OSBP2: variants seen among roughly 807,000 people sequenced by gnomAD.
The protein encoded by OSBP2 is oxysterol binding protein 2.
A neutral mutation model predicts 96.0 loss-of-function variants in OSBP2; 66 were observed. The ratio of observed to expected loss-of-function variants is 0.69; its 90% confidence interval spans 0.56 to 0.84. The LOEUF (loss-of-function observed/expected upper bound fraction) is 0.84, where lower values mean the gene tolerates loss of function less well. Among genes scored for constraint, OSBP2 ranks in the 40% least tolerant of loss-of-function variants. The probability of loss-of-function intolerance (pLI) is 0.00; values close to 1 mark genes in which losing one functional copy is unlikely to be tolerated. For synonymous variants in OSBP2, 525 were observed against 520.9 expected (o/e 1.01, Z -0.11); for missense variants, 1,038 against 1,222.7 (o/e 0.85, Z 2.25).
intron 2 of OSBP2, among the ~76,000 whole-genome samples, chr22:30,839,051 A>G (rs1381082906): frequency 7.8e-6 from 1 of 127,824 alleles, no homozygotes; most frequent in African/African-American, 3.0e-5. Context: ...TCCGGTGTCC[A>G]TGTGTTCTCA....
intron 2 of OSBP2, among the ~76,000 whole-genome samples, chr22:30,861,723 A>G (rs1321333896): frequency 1.3e-5 from 2 of 152,010 alleles, no homozygotes; most frequent in Non-Finnish European, 2.9e-5. Context: ...CAGAACCCCC[A>G]CAGGGCCCAC....
chr22:30,880,316 G>T (rs1377650252), intron 3 of OSBP2, among the ~76,000 whole-genome samples: 1 of 152,250 alleles, frequency 6.6e-6, no homozygotes, highest in Non-Finnish European at 1.5e-5. Flanking sequence ...CCACCTGGGA[G>T]CCCAGAGCCA....
intron 2 of OSBP2, among the ~76,000 whole-genome samples, chr22:30,775,127 C>A (rs2090412809): frequency 1.3e-5 from 2 of 152,134 alleles, no homozygotes; most frequent in Admixed American, 1.3e-4. Flanking sequence ...GCGGCCATCA[C>A]CTCTGACTAG....
At chr22:30,815,475 G>A (rs1276826302) in intron 2 of OSBP2, among the ~76,000 whole-genome samples, 1 of 152,124 alleles carries the variant, frequency 6.6e-6, no homozygotes, top group Non-Finnish European at 1.5e-5. Context: ...TCAATTAATT[G>A]AGTGTATTAT....
At chr22:30,857,663 A>G (rs746128560) in intron 2 of OSBP2, among the ~76,000 whole-genome samples, 13 of 152,262 alleles carry the variant, frequency 8.5e-5, no homozygotes, top group Admixed American at 2.0e-4. Flanking sequence ...AGCACTTTAC[A>G]GGCATTAACC....
intron 10 of OSBP2, 33 bp from the exon 11 acceptor site, chr22:30,893,605 G>A (rs1351013146): frequency 3.1e-6 from 5 of 1,613,182 alleles, no homozygotes; most frequent in African/African-American, 2.7e-5. Context: ...ATGGCCCGGG[G>A]GCTGGCCGCT....
chr22:30,808,056 C>T (rs1056283918), intron 2 of OSBP2, among the ~76,000 whole-genome samples: 4 of 152,146 alleles, frequency 2.6e-5, no homozygotes, highest in Non-Finnish European at 4.4e-5. Context: ...TCCCAAAGTG[C>T]GGGGATTACA....
At position 30,843,509 on chromosome 22, in the gene OSBP2, A is replaced by G. The variant is rs570071593; in HGVS notation, c.854-26920A>G. 2.7e-5 allele frequency among the ~76,000 whole-genome samples: 4 copies of G among 150,768 alleles called. No individual in the cohort carries two copies. In the South Asian group the frequency reaches 8.6e-4, roughly 32 times the overall value. On this transcript the variant is annotated intron_variant, in intron 2 of 13. Coordinates refer to ENST00000332585, the MANE Select transcript of OSBP2 (RefSeq NM_030758.4). Reference sequence around the variant, plus strand: ...TAAAATATTCCATAAGCCACACTATAAACAGGTGTGCTGTCATTCAGGCTT... The same window carrying G: ...TAAAATATTCCATAAGCCACACTATGAACAGGTGTGCTGTCATTCAGGCTT...
Position 30,882,102 on chromosome 22 carries a change from C to G in OSBP2, c.1108-5324C>G, listed in dbSNP as rs13056417. On this transcript the variant is annotated intron_variant, in intron 3 of 13. Transcript: ENST00000332585. ...CCTTGAGGGGGACTGAGGTCACTCACGGCCAGTGTATCAGCCAGCAACCCT... is the reference window on the plus strand; with the variant it reads ...CCTTGAGGGGGACTGAGGTCACTCAGGGCCAGTGTATCAGCCAGCAACCCT... Among the ~76,000 whole-genome samples the G allele has an allele frequency of 1.6e-3, 241 of 152,312 alleles. 2 individuals carry two copies. The highest frequency in any genetic ancestry group is 5.4e-3 in the African/African-American group (224 of 41,560).
intron 1 of OSBP2, among the ~76,000 whole-genome samples, chr22:30,728,422 G>T (rs1465500998): frequency 2.0e-5 from 3 of 151,268 alleles, no homozygotes; most frequent in Admixed American, 2.0e-4. Context: ...ACAAAAATTA[G>T]CTGGGTGCAG....
intron 2 of OSBP2, among the ~76,000 whole-genome samples, chr22:30,795,855 C>T (rs1275944356): frequency 6.6e-6 from 1 of 152,208 alleles, no homozygotes; most frequent in African/African-American, 2.4e-5. Context: ...GTTTTTAAAT[C>T]TTGGAATGTC....
chr22:30,741,203 C>A lies in OSBP2; in HGVS notation c.687C>A (p.Asn229Lys). ...CCCACACGTGCCGTGGAACCATCAA[C>A]CTGTCCACCGCGCACATTGACACGG... is the stretch of plus-strand genomic sequence containing the variant. Reference protein sequence around the residue: ...EMAHTCRGTINLSTAHIDTED... With the variant: ...EMAHTCRGTIKLSTAHIDTED... The change falls in exon 2 of 14, where the codon AAC (asparagine) becomes AAA (lysine). Residue 229 changes from asparagine (N) to lysine (K), a missense_variant. Asn to Lys is a moderately conservative substitution (Grantham distance 94). Transcript: ENST00000332585. The A allele has an allele frequency of 6.2e-7, 1 of 1,614,200 alleles. No individual in the cohort carries two copies. Among genetic ancestry groups the A allele is most frequent in the Non-Finnish European group, 8.5e-7 (1 of 1,180,038 alleles).
intron 1 of OSBP2, among the ~76,000 whole-genome samples, chr22:30,732,927 T>C (rs1320242251): frequency 1.3e-5 from 2 of 152,112 alleles, no homozygotes; most frequent in African/African-American, 2.4e-5. Context: ...TAGGCTGAAA[T>C]GGGCCACTTT....
intron 2 of OSBP2, among the ~76,000 whole-genome samples, chr22:30,797,415 T>A (rs961371202): frequency 6.6e-6 from 1 of 151,900 alleles, no homozygotes; most frequent in African/African-American, 2.4e-5. Flanking sequence ...CTCGAGTAGC[T>A]GGGATTACAG....
rs1021103829 is a variant in OSBP2, at chr22:30,888,161, T to A, written c.1301-62T>A. On this transcript the variant is annotated intron_variant, in intron 4 of 13. Transcript: ENST00000332585. ...GTTGGGGGAGCCCTTGGCTCTGGAC[T>A]TAGGGAGGCGAGATTGAGCCTTTTG... is the stretch of plus-strand genomic sequence containing the variant. 5 of 1,118,412 alleles carry A rather than the reference T, an allele frequency of 4.5e-6. No individual in the cohort carries two copies. In the African/African-American group the frequency reaches 7.6e-5, roughly 17 times the overall value. 69.3% of individuals were successfully genotyped at this position (1,118,412 alleles called of 1,614,324 possible). A position where few individuals can be genotyped will look rare whatever the true frequency, so the allele number is the denominator to read the frequency against.
At chr22:30,777,649 C>G (rs1279210039) in intron 2 of OSBP2, among the ~76,000 whole-genome samples, 1 of 152,186 alleles carries the variant, frequency 6.6e-6, no homozygotes, top group Non-Finnish European at 1.5e-5. Flanking sequence ...AGTAGCAGCT[C>G]AAGGCCATTG....
chr22:30,893,046 GTCCC>G (rs1304664616), intron 8 of OSBP2, 72 bp from the exon 9 acceptor site: 1 of 1,567,700 alleles, frequency 6.4e-7, no homozygotes, highest in Non-Finnish European at 8.7e-7. Flanking sequence ...AGGGCAAGCT[GTCCC>G]TCCCTGGCTG....
At chr22:30,787,606 G>C (rs2090611171) in intron 2 of OSBP2, among the ~76,000 whole-genome samples, 1 of 152,134 alleles carries the variant, frequency 6.6e-6, no homozygotes, top group Admixed American at 6.5e-5. Flanking sequence ...CCGGGAGGTG[G>C]AGGTTTTGGT....
intron 2 of OSBP2, among the ~76,000 whole-genome samples, chr22:30,838,560 A>G (rs1238300069): frequency 6.6e-6 from 1 of 152,164 alleles, no homozygotes; most frequent in African/African-American, 2.4e-5. Flanking sequence ...CTGGGGGAGA[A>G]CATTCAGTCT....
Sources: allele counts gnomAD v4.1 joint callset (sites outside exome capture counted in the v4.1 genomes callset), GRCh38; gene constraint gnomAD v4.1.1; transcripts MANE v1.5; gene names NCBI Gene and HGNC (gene_info 2026-07-23, HGNC 2026-07-21).